Variants in ZC3H12D observed in about 807,000 individuals in gnomAD.
ZC3H12D encodes probable ribonuclease ZC3H12D.
In ZC3H12D, 11 loss-of-function variants were observed where a neutral mutation model predicts 24.2. That is an observed-to-expected ratio of 0.46 (90% CI 0.29 to 0.75). ZC3H12D has a LOEUF of 0.75. Among genes scored for constraint, ZC3H12D ranks in the 30% least tolerant of loss-of-function variants. ZC3H12D has a pLI of 0.11. For missense variants in ZC3H12D, 740 were observed against 767.7 expected, an observed-to-expected ratio of 0.96 and a Z score of 0.43; for synonymous variants, 333 against 341.8, an observed-to-expected ratio of 0.97 and a Z score of 0.28.
At chr6:149,466,352 G>C (rs1776161254) in intron 2 of ZC3H12D, among the ~76,000 whole-genome samples, 1 of 151,588 alleles carries the variant, frequency 6.6e-6, no homozygotes, top group African/African-American at 2.4e-5. Context: ...GGCCCCACCT[G>C]ATGTACACTG....
intron 1 of ZC3H12D, among the ~76,000 whole-genome samples, chr6:149,477,928 G>A (rs1300632128): frequency 6.6e-6 from 1 of 152,034 alleles, no homozygotes; most frequent in Non-Finnish European, 1.5e-5. Flanking sequence ...CAGCACTTTG[G>A]GAGGCTGAGG....
chr6:149,459,182 T>A (rs370471), intron 3 of ZC3H12D, among the ~76,000 whole-genome samples: 2 of 152,060 alleles, frequency 1.3e-5, no homozygotes, highest in African/African-American at 2.4e-5. Flanking sequence ...TAAAAATTCC[T>A]TCCCTATCCC....
At position 149,456,623 on chromosome 6, in the gene ZC3H12D, G is replaced by GGGGGGCAGCCC; in HGVS notation, c.680+42_680+43insGGGCTGCCCCC. On this transcript the variant is annotated intron_variant, in intron 4 of 5. Transcript: ENST00000409806. The surrounding 1 kb of genome is among the most constrained non-coding windows in gnomAD (Gnocchi z 4.3). ...GCCACTGCCTCGACCCCGGCCCCCC[G>GGGGGGCAGCCC]CCCCGCCGCCCCCCAGGGTGTCAGG... The GGGGGGCAGCCC allele has an allele frequency of 1.3e-6, 1 of 744,588 alleles. No individual in the cohort carries two copies. The highest frequency in any genetic ancestry group is 2.2e-6 in the Non-Finnish European group (1 of 456,106). 46.1% of individuals were successfully genotyped at this position (744,588 alleles called of 1,614,324 possible). A position where few individuals can be genotyped will look rare whatever the true frequency, so the allele number is the denominator to read the frequency against.
intron 2 of ZC3H12D, among the ~76,000 whole-genome samples, chr6:149,462,398 A>AC (rs1776088399): frequency 7.3e-6 from 1 of 136,558 alleles, no homozygotes; most frequent in Non-Finnish European, 1.6e-5. Context: ...CAAAACAAAA[A>AC]AAAACCACAC....
chr6:149,463,078 A>G (rs1776101051), intron 2 of ZC3H12D, among the ~76,000 whole-genome samples: 2 of 152,218 alleles, frequency 1.3e-5, no homozygotes, highest in African/African-American at 4.8e-5. Context: ...GGCTCCAAGA[A>G]TACATTCTGA....
At chr6:149,483,240 G>T (rs1014213070) in intron 1 of ZC3H12D, 1 of 152,126 alleles carries the variant, frequency 6.6e-6, no homozygotes, top group Non-Finnish European at 1.5e-5. Context: ...AGGCAAAGAC[G>T]GTAGTTCATG....
intron 1 of ZC3H12D, among the ~76,000 whole-genome samples, chr6:149,481,413 C>T (rs1228933789): frequency 2.0e-5 from 3 of 149,522 alleles, no homozygotes; most frequent in Non-Finnish European, 3.0e-5. Flanking sequence ...TTTGCTCTGT[C>T]GCCCAGGCTG....
At chr6:149,464,655 C>T (rs570254110) in intron 2 of ZC3H12D, among the ~76,000 whole-genome samples, 1 of 152,250 alleles carries the variant, frequency 6.6e-6, no homozygotes, top group Non-Finnish European at 1.5e-5. Context: ...CTCTCAGTGC[C>T]CAGCATCGTG....
chr6:149,471,468 A>G (rs1455615103), intron 2 of ZC3H12D, among the ~76,000 whole-genome samples: 1 of 152,278 alleles, frequency 6.6e-6, no homozygotes, highest in Admixed American at 6.5e-5. Context: ...TGAAAGGCAG[A>G]GGAAAAATAA....
At chr6:149,458,086 A>G (rs1264244217) in intron 3 of ZC3H12D, among the ~76,000 whole-genome samples, 1 of 135,874 alleles carries the variant, frequency 7.4e-6, no homozygotes, top group Non-Finnish European at 1.6e-5. Flanking sequence ...GCAGATTATG[A>G]GAATCATTTT....
At chr6:149,472,588 T>G (rs1006776204) in intron 2 of ZC3H12D, among the ~76,000 whole-genome samples, 1 of 151,998 alleles carries the variant, frequency 6.6e-6, no homozygotes, top group Non-Finnish European at 1.5e-5. Flanking sequence ...CCACGACACA[T>G]TATGGTCATG....
chr6:149,450,998 G>T lies in ZC3H12D; in HGVS notation c.1269C>A (p.His423Gln), dbSNP rs368424369. 6.6e-7 allele frequency: 1 copy of T among 1,515,240 alleles called. No individual in the cohort carries two copies. Among genetic ancestry groups the T allele is most frequent in the Non-Finnish European group, 8.8e-7 (1 of 1,136,210 alleles). 93.9% of individuals were successfully genotyped at this position (1,515,240 alleles called of 1,614,324 possible). A position where few individuals can be genotyped will look rare whatever the true frequency, so the allele number is the denominator to read the frequency against. Reference protein sequence around the residue: ...PRGEHRPRDLHGDLLSPRRPP... With the variant: ...PRGEHRPRDLQGDLLSPRRPP... Reference sequence around the variant, plus strand: ...GCCTGCGCGGGGAAAGCAAGTCGCCGTGCAGGTCCCTAGGGCGGTGTTCGC... The same window carrying T: ...GCCTGCGCGGGGAAAGCAAGTCGCCTTGCAGGTCCCTAGGGCGGTGTTCGC... Residue 423 changes from histidine (H) to glutamine (Q), a missense_variant, in exon 6 of 6, where the codon CAC (histidine) becomes CAA (glutamine). Physicochemically the swap from His to Gln is conservative, Grantham distance 24. Coordinates refer to ENST00000409806, the MANE Select transcript of ZC3H12D (RefSeq NM_207360.3).
At chr6:149,468,769 CA>C (rs1776200060) in intron 2 of ZC3H12D, among the ~76,000 whole-genome samples, 1 of 152,086 alleles carries the variant, frequency 6.6e-6, no homozygotes, top group South Asian at 2.1e-4. Flanking sequence ...GTCAGGGTCT[CA>C]GAAGCAGGTC....
intron 1 of ZC3H12D, among the ~76,000 whole-genome samples, chr6:149,476,531 G>C (rs1317527714): frequency 2.0e-5 from 3 of 152,102 alleles, no homozygotes; most frequent in African/African-American, 7.2e-5. Flanking sequence ...TTTTTGGCTG[G>C]GCATGGTGGC....
In ZC3H12D at chr6:149,456,799, T is replaced by C. The variant is rs537475494; in HGVS notation, c.547A>G (p.Ile183Val). ...KRLVCYDDRY[I>V]VKVAYEQDGV... The stretch of plus-strand genomic sequence containing the variant: ...TCCTGCTCGTAGGCCACCTTCACGA[T>C]GTAGCGGTCGTCGTAGCAGACCAGG... Residue 183 changes from isoleucine (I) to valine (V), a missense_variant, in exon 4 of 6, where the codon ATC becomes GTC. Coordinates refer to ENST00000409806, the MANE Select transcript of ZC3H12D (RefSeq NM_207360.3). The surrounding 1 kb of genome is among the most constrained non-coding windows in gnomAD (Gnocchi z 4.3). 8 of 1,613,470 alleles carry C rather than the reference T, an allele frequency of 5.0e-6. No homozygotes were observed. In the African/African-American group the frequency reaches 6.7e-5, roughly 13 times the overall value.
chr6:149,475,839 T>C (rs394526), intron 1 of ZC3H12D, among the ~76,000 whole-genome samples: 1 of 151,814 alleles, frequency 6.6e-6, no homozygotes, highest in South Asian at 2.1e-4. Context: ...GGCTTCTAAA[T>C]GATGATGATG....
chr6:149,465,866 C>T (rs1186228887), intron 2 of ZC3H12D, among the ~76,000 whole-genome samples: 1 of 151,994 alleles, frequency 6.6e-6, no homozygotes, highest in Non-Finnish European at 1.5e-5. Flanking sequence ...CCCCACCCCC[C>T]AATTCCAGCT....
intron 1 of ZC3H12D, among the ~76,000 whole-genome samples, chr6:149,475,436 G>C (rs912730940): frequency 2.6e-5 from 4 of 151,940 alleles, no homozygotes; most frequent in African/African-American, 7.3e-5. Flanking sequence ...GGCCTGCCCC[G>C]GCTGGGCATG....
chr6:149,484,468 T>C (rs1373985816), intron 1 of ZC3H12D, among the ~76,000 whole-genome samples: 1 of 152,092 alleles, frequency 6.6e-6, no homozygotes, highest in African/African-American at 2.4e-5. Flanking sequence ...TACGTAAATA[T>C]CTTCAAAGGC....
Sources: allele counts gnomAD v4.1 joint callset (sites outside exome capture counted in the v4.1 genomes callset), GRCh38; gene constraint gnomAD v4.1.1; non-coding constraint Gnocchi (gnomAD v3.1); transcripts MANE v1.5; gene names NCBI Gene and HGNC (gene_info 2026-07-23, HGNC 2026-07-21).